The following MPRIP variants were observed in gnomAD, a reference collection of about 807,000 sequenced individuals.
MPRIP encodes the protein myosin phosphatase Rho interacting protein, also known as myosin phosphatase Rho-interacting protein.
A neutral mutation model predicts 234.9 loss-of-function variants in MPRIP; 59 were observed. That is an observed-to-expected ratio of 0.25 (90% confidence interval 0.20 to 0.31). The LOEUF (loss-of-function observed/expected upper bound fraction) is 0.31. MPRIP is among the 10% of genes least tolerant of loss of function. The pLI is 1.00. For missense variants in MPRIP, 2,436 were observed against 3,071.0 expected, an observed-to-expected ratio of 0.79 and a Z score of 4.89; for synonymous variants, 1,144 against 1,263.9, an observed-to-expected ratio of 0.91 and a Z score of 2.01.
At chr17:17,172,953 C>T (rs2046177022) in intron 18 of MPRIP, 138 bp downstream of exon 18, 1 of 677,966 alleles carries the variant, frequency 1.5e-6, no homozygotes, top group Admixed American at 2.7e-5. Context: ...GAGGGCAGCT[C>T]AGATGCCCTC....
chr17:17,149,289 TTG>T (rs1274727128), intron 11 of MPRIP, among the ~76,000 whole-genome samples: 1 of 152,180 alleles, frequency 6.6e-6, no homozygotes, highest in Non-Finnish European at 1.5e-5. Flanking sequence ...GGTCAGGAGT[TTG>T]AGACCAGCCT....
At chr17:17,178,851 G>A (rs567396191) in intron 22 of MPRIP, 1 of 152,134 alleles carries the variant, frequency 6.6e-6, no homozygotes, top group South Asian at 2.1e-4. Flanking sequence ...CCCAGCAGGT[G>A]GAAATGGCAG....
chr17:17,066,106 T>A (rs1030550897), intron 1 of MPRIP, among the ~76,000 whole-genome samples: 47 of 152,374 alleles, frequency 3.1e-4, no homozygotes, highest in African/African-American at 1.1e-3. Flanking sequence ...TTTGTCAGTT[T>A]TGATCTATAT....
At chr17:17,059,343 AT>A (rs2088802936) in intron 1 of MPRIP, among the ~76,000 whole-genome samples, 1 of 152,142 alleles carries the variant, frequency 6.6e-6, no homozygotes, top group African/African-American at 2.4e-5. Context: ...ATGTTTTAGT[AT>A]TTTTATTAAA....
At chr17:17,169,431 G>A (rs929342116) in intron 16 of MPRIP, among the ~76,000 whole-genome samples, 1 of 152,206 alleles carries the variant, frequency 6.6e-6, no homozygotes, top group Admixed American at 6.5e-5. Flanking sequence ...TGCAGGGGAG[G>A]CCCCATGCAG....
intron 3 of MPRIP, among the ~76,000 whole-genome samples, chr17:17,101,757 A>G (rs1256117080): frequency 6.6e-6 from 1 of 152,228 alleles, no homozygotes; most frequent in Non-Finnish European, 1.5e-5. Context: ...AAAGGCCCGT[A>G]GGGTAGGTAC....
chr17:17,096,377 G>A (rs879890765), intron 3 of MPRIP, among the ~76,000 whole-genome samples: 12 of 148,388 alleles, frequency 8.1e-5, no homozygotes, highest in Non-Finnish European at 1.2e-4. Context: ...CAGGGGACCT[G>A]TGTGTGTTGG....
intron 12 of MPRIP, among the ~76,000 whole-genome samples, chr17:17,151,687 G>T (rs1414658371): frequency 6.6e-6 from 1 of 152,188 alleles, no homozygotes; most frequent in Non-Finnish European, 1.5e-5. Flanking sequence ...GGGGTCCCAG[G>T]GTACCACCAT....
At chr17:17,111,801 C>T (rs1340267147) in intron 3 of MPRIP, among the ~76,000 whole-genome samples, 1 of 152,146 alleles carries the variant, frequency 6.6e-6, no homozygotes, top group Non-Finnish European at 1.5e-5. Context: ...CCCAGTCTCC[C>T]TCAAGCGGGC....
intron 1 of MPRIP, among the ~76,000 whole-genome samples, chr17:17,043,366 T>A (rs1388715080): frequency 2.0e-5 from 3 of 152,148 alleles, no homozygotes; most frequent in Non-Finnish European, 4.4e-5. Flanking sequence ...GGGAGGACTG[T>A]GGGCTTCCGT....
At chr17:17,083,615 C>T (rs369513643) in intron 3 of MPRIP, among the ~76,000 whole-genome samples, 43 of 152,312 alleles carry the variant, frequency 2.8e-4, no homozygotes, top group Admixed American at 1.5e-3. Context: ...TGCAGCTGAC[C>T]GCCCAGTTCC....
chr17:17,142,529 A>C (rs1037271723), intron 7 of MPRIP, 98 bp from the exon 8 acceptor site: 4 of 1,423,260 alleles, frequency 2.8e-6, no homozygotes, highest in African/African-American at 2.8e-5. Context: ...CCTGAGGGGA[A>C]TCAGGCCCGG....
chr17:17,048,590 T>C (rs2088432303), intron 1 of MPRIP, among the ~76,000 whole-genome samples: 1 of 152,106 alleles, frequency 6.6e-6, no homozygotes. Flanking sequence ...TGACAAATGC[T>C]CAGCGTTGTC....
At chr17:17,043,806 G>A (rs1006763382) in intron 1 of MPRIP, among the ~76,000 whole-genome samples, 1 of 152,144 alleles carries the variant, frequency 6.6e-6, no homozygotes, top group South Asian at 2.1e-4. Flanking sequence ...AGTGTTCCAG[G>A]ATTCCGAGCC....
Position 17,165,680 on chromosome 17 carries a change from A to G in MPRIP, c.4089A>G (p.Ser1363=). 7.7e-7 allele frequency: 1 copy of G among 1,305,124 alleles called. No homozygotes were observed. Among genetic ancestry groups the G allele is most frequent in the Non-Finnish European group, 1.0e-6 (1 of 989,040 alleles). 80.8% of individuals were successfully genotyped at this position (1,305,124 alleles called of 1,614,324 possible). Residue 1363 remains serine, a synonymous_variant, in exon 16 of 24, where the codon TCA becomes TCG. Transcript: ENST00000651222. The part of the protein sequence containing the change: ...DRSPSEESMS[S]EPAPSVLPAT... ...CACCCTCGGAAGAAAGCATGTCCTC[A>G]GAGCCTGCACCCAGTGTACTGCCTG... is the stretch of plus-strand genomic sequence containing the variant.
intron 1 of MPRIP, among the ~76,000 whole-genome samples, chr17:17,064,564 C>A (rs1207223914): frequency 2.6e-5 from 4 of 152,168 alleles, no homozygotes; most frequent in Non-Finnish European, 5.9e-5. Context: ...CCCACATCAA[C>A]CCAACCCCAG....
chr17:17,059,304 T>G (rs150789702), intron 1 of MPRIP, among the ~76,000 whole-genome samples: 2 of 152,298 alleles, frequency 1.3e-5, no homozygotes, highest in African/African-American at 4.8e-5. Context: ...TACTGTACAC[T>G]CATGAAAGAG....
At chr17:17,060,307 C>A (rs1374853585) in intron 1 of MPRIP, among the ~76,000 whole-genome samples, 1 of 152,226 alleles carries the variant, frequency 6.6e-6, no homozygotes, top group African/African-American at 2.4e-5. Flanking sequence ...TGGGGCAGAA[C>A]TGAGTGCTGT....
rs1208308028 is a variant in MPRIP, at chr17:17,143,492, G to GCT, written c.1390-62_1390-61dup. 6 of 1,108,804 alleles carry GCT rather than the reference G, an allele frequency of 5.4e-6. No homozygotes were observed. In the African/African-American group the frequency reaches 9.8e-5, roughly 18 times the overall value. The allele number at this position is 1,108,804 out of a possible 1,614,324, so 68.7% of individuals were successfully genotyped here. On this transcript the variant is annotated intron_variant, in intron 8 of 23. Transcript: ENST00000651222. ...GCTCTTGGAGGGGTGGACAGCACCA[G>GCT]CTCGTCCCTCACATGCCCACATTGC...
Sources: allele counts gnomAD v4.1 joint callset (sites outside exome capture counted in the v4.1 genomes callset), GRCh38; gene constraint gnomAD v4.1.1; transcripts MANE v1.5; gene names NCBI Gene and HGNC (gene_info 2026-07-23, HGNC 2026-07-21).